GALNTL6: variants seen among roughly 807,000 people sequenced by gnomAD.
The protein encoded by GALNTL6 is polypeptide N-acetylgalactosaminyltransferase like 6, also known as polypeptide N-acetylgalactosaminyltransferase-like 6.
GALNTL6 carries 46 observed loss-of-function variants against 73.7 expected under a neutral mutation model. The observed-to-expected ratio is 0.62, with a 90% CI of 0.49 to 0.80. The LOEUF is 0.80. Ranked by LOEUF, GALNTL6 falls within the 30% of genes least tolerant of loss-of-function variation. The probability of loss-of-function intolerance (pLI) is 0.00; values close to 1 mark genes in which losing one functional copy is unlikely to be tolerated. For missense variants in GALNTL6, 604 were observed against 755.0 expected, an observed-to-expected ratio of 0.80 and a Z score of 2.34; for synonymous variants, 259 against 263.7, an observed-to-expected ratio of 0.98 and a Z score of 0.17.
intron 2 of GALNTL6, among the ~76,000 whole-genome samples, chr4:172,156,346 G>T (rs4479668): frequency 0.44 from 66,481 of 151,260 alleles, 15,162 homozygotes; most frequent in African/African-American, 0.54. Context: ...TCAGGCCCCG[G>T]GGGAGAATCT....
At chr4:172,847,199 C>G (rs114150728) in intron 7 of GALNTL6, among the ~76,000 whole-genome samples, 1 of 152,148 alleles carries the variant, frequency 6.6e-6, no homozygotes, top group African/African-American at 2.4e-5. Context: ...CAGGGGTAAA[C>G]GTGGTGCTGC....
intron 7 of GALNTL6, among the ~76,000 whole-genome samples, chr4:172,840,129 G>A (rs945545524): frequency 6.6e-5 from 10 of 152,226 alleles, no homozygotes; most frequent in Middle Eastern, 3.4e-3. Flanking sequence ...AAAAGCATCC[G>A]CAAATGTTCC....
At chr4:172,384,299 A>G (rs1410071130) in intron 5 of GALNTL6, among the ~76,000 whole-genome samples, 1 of 152,070 alleles carries the variant, frequency 6.6e-6, no homozygotes, top group Non-Finnish European at 1.5e-5. Context: ...AGATCTTTCC[A>G]GATTTTTTAT....
intron 2 of GALNTL6, among the ~76,000 whole-genome samples, chr4:172,120,995 T>C (rs545620548): frequency 5.5e-4 from 83 of 152,126 alleles, no homozygotes; most frequent in African/African-American, 1.8e-3. Flanking sequence ...AGGTTGATTG[T>C]GTCAACCTTA....
chr4:171,978,043 C>T (rs1739774185), intron 2 of GALNTL6, among the ~76,000 whole-genome samples: 1 of 151,732 alleles, frequency 6.6e-6, no homozygotes, highest in Non-Finnish European at 1.5e-5. Context: ...CTTTGAATGG[C>T]AAAAACCGCC....
intron 5 of GALNTL6, among the ~76,000 whole-genome samples, chr4:172,463,103 A>G (rs573508994): frequency 6.6e-6 from 1 of 152,320 alleles, no homozygotes; most frequent in South Asian, 2.1e-4. Context: ...TGTAACTTGT[A>G]TGCAGGAAGA....
chr4:172,857,253 C>T (rs755919560), intron 7 of GALNTL6, among the ~76,000 whole-genome samples: 1 of 152,104 alleles, frequency 6.6e-6, no homozygotes, highest in Non-Finnish European at 1.5e-5. Context: ...CAGTGTGCAT[C>T]CAAAGGAAAG....
intron 4 of GALNTL6, 58 bp from the exon 5 acceptor site, chr4:172,348,464 GA>G (rs1741828581): frequency 1.5e-6 from 2 of 1,352,244 alleles, no homozygotes; most frequent in African/African-American, 2.9e-5. Context: ...ATAAACAACA[GA>G]ATAAGATATA....
At chr4:172,356,434 A>T (rs895601787) in intron 5 of GALNTL6, among the ~76,000 whole-genome samples, 14 of 151,980 alleles carry the variant, frequency 9.2e-5, no homozygotes, top group Non-Finnish European at 1.9e-4. Context: ...CTCTTAATTT[A>T]AAAAAAATCA....
At chr4:172,080,402 C>T (rs374266568) in intron 2 of GALNTL6, among the ~76,000 whole-genome samples, 1 of 152,210 alleles carries the variant, frequency 6.6e-6, no homozygotes, top group African/African-American at 2.4e-5. Flanking sequence ...GGGTCCACAA[C>T]AATTCTCCCA....
intron 3 of GALNTL6, among the ~76,000 whole-genome samples, chr4:172,279,655 A>G (rs1561003426): frequency 6.6e-6 from 1 of 152,196 alleles, no homozygotes; most frequent in Non-Finnish European, 1.5e-5. Context: ...TAGGCAAAAC[A>G]GTATGGCAGT....
chr4:172,661,460 G>T (rs1731368733), intron 5 of GALNTL6, among the ~76,000 whole-genome samples: 1 of 151,990 alleles, frequency 6.6e-6, no homozygotes, highest in Non-Finnish European at 1.5e-5. Flanking sequence ...GGCTAACACG[G>T]TGAGTAAACT....
intron 2 of GALNTL6, among the ~76,000 whole-genome samples, chr4:171,965,829 G>T (rs1221206903): frequency 6.6e-6 from 1 of 152,132 alleles, no homozygotes; most frequent in African/African-American, 2.4e-5. Flanking sequence ...CAGAGAAAAA[G>T]AGGGAATGTA....
intron 2 of GALNTL6, among the ~76,000 whole-genome samples, chr4:171,882,513 A>T (rs1240961591): frequency 2.0e-5 from 3 of 152,348 alleles, no homozygotes; most frequent in Non-Finnish European, 4.4e-5. Context: ...ATCAGTATGA[A>T]TCCCAAAACC....
chr4:172,620,917 A>T (rs572863907), intron 5 of GALNTL6, among the ~76,000 whole-genome samples: 2 of 152,204 alleles, frequency 1.3e-5, no homozygotes, highest in Non-Finnish European at 2.9e-5. Context: ...TAGAGTTTTC[A>T]TAACGCATTC....
At chr4:172,764,270 T>C (rs6838412) in intron 5 of GALNTL6, among the ~76,000 whole-genome samples, 67 of 152,342 alleles carry the variant, frequency 4.4e-4, no homozygotes, top group African/African-American at 1.6e-3. Flanking sequence ...GTTATTTTTT[T>C]CTAACAAATT....
chr4:172,375,988 G>A (rs1474377687), intron 5 of GALNTL6, among the ~76,000 whole-genome samples: 2 of 152,166 alleles, frequency 1.3e-5, no homozygotes, highest in East Asian at 3.9e-4. Context: ...TACATGAATA[G>A]GAAGGATACA....
At chr4:172,495,497 T>C (rs1734041257) in intron 5 of GALNTL6, among the ~76,000 whole-genome samples, 1 of 152,200 alleles carries the variant, frequency 6.6e-6, no homozygotes, top group African/African-American at 2.4e-5. Flanking sequence ...CTCTCCCCTC[T>C]GCTGTGTCTT....
At chr4:172,697,296 C>T (rs1437830) in intron 5 of GALNTL6, among the ~76,000 whole-genome samples, 150,966 of 152,308 alleles carry the variant, frequency 0.99, 74,834 homozygotes, top group Middle Eastern at 1. Context: ...TAGGTCATTA[C>T]CCTGGATGCA....
Sources: allele counts gnomAD v4.1 joint callset (sites outside exome capture counted in the v4.1 genomes callset), GRCh38; gene constraint gnomAD v4.1.1; transcripts MANE v1.5; gene names NCBI Gene and HGNC (gene_info 2026-07-23, HGNC 2026-07-21).